Variants in RARB observed in about 807,000 individuals in gnomAD.
RARB encodes HBV-activated protein.
Under a neutral mutation model 51.9 loss-of-function variants are expected in RARB, and 17 were observed. The observed-to-expected ratio is 0.33, with a 90% CI of 0.22 to 0.49. The LOEUF is 0.49. Among genes scored for constraint, RARB ranks in the 20% least tolerant of loss-of-function variants. The pLI is 0.99. For missense variants in RARB, 369 were observed against 550.8 expected, an observed-to-expected ratio of 0.67 and a Z score of 3.30; for synonymous variants, 215 against 195.4, an observed-to-expected ratio of 1.10 and a Z score of -0.84.
rs79144098 is a variant in RARB, at chr3:25,457,250, T to C, written c.158-3943T>C. Among the ~76,000 whole-genome samples the C allele has an allele frequency of 1.5e-3, 226 of 152,300 alleles. 1 individual carries two copies. The highest frequency in any genetic ancestry group is 5.1e-3 in the African/African-American group (213 of 41,560). The stretch of plus-strand genomic sequence containing the variant: ...ACCCACTGTATTATCATTGTTGGTT[T>C]ATTCTCTATTAGGCCAAATTTGTCA... On this transcript the variant is annotated intron_variant, in intron 1 of 7. Coordinates refer to ENST00000330688, the MANE Select transcript of RARB (RefSeq NM_000965.5).
At chr3:25,557,137 T>TCACACACACACACACACA (rs55731301) in intron 3 of RARB, among the ~76,000 whole-genome samples, 27 of 145,458 alleles carry the variant, frequency 1.9e-4, no homozygotes, top group African/African-American at 6.2e-4. Flanking sequence ...GGCATTGCAT[T>TCACACACACACACACACA]CACACACACA....
intron 2 of RARB, among the ~76,000 whole-genome samples, chr3:25,034,836 A>T (rs924210714): frequency 2.0e-5 from 3 of 152,206 alleles, no homozygotes; most frequent in African/African-American, 7.2e-5. Flanking sequence ...TGTCTCTTGG[A>T]AATTCAGAAG....
chr3:25,348,854 G>A (rs1304352859), intron 5 of RARB, among the ~76,000 whole-genome samples: 3 of 152,106 alleles, frequency 2.0e-5, no homozygotes, highest in African/African-American at 7.2e-5. Flanking sequence ...GTCGGTCTGG[G>A]GTAGGACCCA....
At chr3:25,101,875 G>C (rs1263968054) in intron 3 of RARB, among the ~76,000 whole-genome samples, 1 of 151,490 alleles carries the variant, frequency 6.6e-6, no homozygotes, top group Non-Finnish European at 1.5e-5. Context: ...TTATATCTTG[G>C]CTGCTCTATT....
chr3:25,173,288 A>C (rs1326911459), intron 4 of RARB, among the ~76,000 whole-genome samples: 3 of 152,226 alleles, frequency 2.0e-5, no homozygotes, highest in African/African-American at 4.8e-5. Flanking sequence ...ATAGTTGTTA[A>C]AACTAGCAGC....
chr3:24,988,356 C>A (rs927493365), intron 2 of RARB, among the ~76,000 whole-genome samples: 3 of 152,126 alleles, frequency 2.0e-5, no homozygotes, highest in Admixed American at 6.5e-5. Flanking sequence ...TATTTTTAAT[C>A]ATGTTTTTAA....
intron 3 of RARB, among the ~76,000 whole-genome samples, chr3:25,100,338 G>A (rs567031868): frequency 2.6e-5 from 4 of 152,300 alleles, no homozygotes; most frequent in East Asian, 1.9e-4. Flanking sequence ...CATTTAAACT[G>A]TAATCTAAAT....
intron 1 of RARB, chr3:25,441,220 C>T: frequency 2.9e-6 from 1 of 344,394 alleles, no homozygotes; most frequent in South Asian, 2.6e-5. Context: ...AGGTTAGTGC[C>T]CTCAAAAAGG....
At chr3:25,232,346 T>C (rs529578685) in intron 5 of RARB, among the ~76,000 whole-genome samples, 1 of 152,292 alleles carries the variant, frequency 6.6e-6, no homozygotes, top group African/African-American at 2.4e-5. Flanking sequence ...ACTCAGCTTG[T>C]TGGCATTTAC....
At chr3:25,075,545 C>A (rs920949698) in intron 3 of RARB, among the ~76,000 whole-genome samples, 3 of 152,076 alleles carry the variant, frequency 2.0e-5, no homozygotes, top group African/African-American at 7.2e-5. Flanking sequence ...CTTTCTCTAG[C>A]CATTGCTACA....
chr3:25,440,773 C>A (rs1016228264), intron 1 of RARB, among the ~76,000 whole-genome samples: 1 of 151,634 alleles, frequency 6.6e-6, no homozygotes, highest in Non-Finnish European at 1.5e-5. Flanking sequence ...ACACCGTCCC[C>A]CCCAAAAATA....
At chr3:24,935,042 T>C (rs1695521225) in intron 2 of RARB, among the ~76,000 whole-genome samples, 1 of 152,152 alleles carries the variant, frequency 6.6e-6, no homozygotes, top group Non-Finnish European at 1.5e-5. Flanking sequence ...TTTTGGACTA[T>C]GATTGCATTA....
intron 5 of RARB, among the ~76,000 whole-genome samples, chr3:25,279,173 A>C (rs1703462637): frequency 6.6e-6 from 1 of 152,198 alleles, no homozygotes; most frequent in Non-Finnish European, 1.5e-5. Context: ...CAAAATGCAG[A>C]AGGTTACTTG....
chr3:25,491,751 G>C (rs994916526), intron 2 of RARB, among the ~76,000 whole-genome samples: 3 of 152,224 alleles, frequency 2.0e-5, no homozygotes, highest in Middle Eastern at 3.4e-3. Flanking sequence ...GTCCATCCTG[G>C]CCAACATGGT....
intron 5 of RARB, chr3:25,352,521 A>G (rs1203702400): frequency 6.6e-6 from 1 of 152,198 alleles, no homozygotes; most frequent in East Asian, 1.9e-4. Context: ...GTCTGTTTTT[A>G]GCATTACTCC....
intron 5 of RARB, among the ~76,000 whole-genome samples, chr3:25,414,716 A>C (rs1260152894): frequency 6.6e-6 from 1 of 152,198 alleles, no homozygotes; most frequent in Non-Finnish European, 1.5e-5. Flanking sequence ...CATATATATA[A>C]TGTCTTCAGT....
At chr3:25,521,432 G>C (rs1698397181) in intron 3 of RARB, among the ~76,000 whole-genome samples, 1 of 152,140 alleles carries the variant, frequency 6.6e-6, no homozygotes, top group Non-Finnish European at 1.5e-5. Flanking sequence ...CTGCTGCAGA[G>C]AGCTGACAGC....
At chr3:25,387,088 A>G (rs922694972) in intron 5 of RARB, among the ~76,000 whole-genome samples, 12 of 152,154 alleles carry the variant, frequency 7.9e-5, no homozygotes, top group African/African-American at 2.4e-4. Flanking sequence ...TCTGTTAGCA[A>G]TTGTCACTCT....
chr3:24,970,000 A>G (rs1156935936), intron 2 of RARB, among the ~76,000 whole-genome samples: 1 of 152,072 alleles, frequency 6.6e-6, no homozygotes, highest in Non-Finnish European at 1.5e-5. Context: ...ACGATCACCT[A>G]AAACAGGAGT....
Sources: gnomAD v4.1 joint callset for allele counts (sites outside exome capture counted in the v4.1 genomes callset) on GRCh38, gnomAD v4.1.1 for gene constraint, MANE v1.5 for transcripts, NCBI Gene and HGNC (gene_info 2026-07-23, HGNC 2026-07-21) for gene names.